The following LINC02747 variants were observed in gnomAD, a reference collection of about 807,000 sequenced individuals.
The protein encoded by LINC02747 is long independently transcribed non-coding RNA 2747, also known as CCND1-upstream intergenic DNA repair 2.
At chr11:69,478,374 C>T (rs1035228658) in intron 1 of LINC02747, among the ~76,000 whole-genome samples, 7 of 152,058 alleles carry the variant, frequency 4.6e-5, no homozygotes, top group South Asian at 2.1e-4. Flanking sequence ...CTTGCACCCC[C>T]GCCTCCACCC....
chr11:69,478,170 C>CCA (rs1857013662), intron 1 of LINC02747, among the ~76,000 whole-genome samples: 1 of 152,138 alleles, frequency 6.6e-6, no homozygotes, highest in African/African-American at 2.4e-5. Flanking sequence ...TGCTGGGGGA[C>CCA]CCCTTAGTGG....
intron 1 of LINC02747, among the ~76,000 whole-genome samples, chr11:69,480,885 G>A (rs1043713864): frequency 7.2e-5 from 11 of 152,276 alleles, no homozygotes; most frequent in African/African-American, 2.4e-4. Flanking sequence ...AGGCCTCTTC[G>A]ATTCCCAAGG....
chr11:69,478,973 G>A (rs2134961998), intron 1 of LINC02747, among the ~76,000 whole-genome samples: 1 of 152,028 alleles, frequency 6.6e-6, no homozygotes, highest in Admixed American at 6.6e-5. Context: ...AACAAGTGTG[G>A]GCCAGGTGCG....
At chr11:69,477,012 A>G (rs901763929) in exon 2 of LINC02747, 1 of 152,230 alleles carries the variant, frequency 6.6e-6, no homozygotes, top group African/African-American at 2.4e-5. Flanking sequence ...GGAGAAATAA[A>G]AGGATCCCTC....
chr11:69,479,542 C>A (rs1857028772), intron 1 of LINC02747, among the ~76,000 whole-genome samples: 1 of 152,160 alleles, frequency 6.6e-6, no homozygotes, highest in Admixed American at 6.6e-5. Context: ...GAGGAGAAGA[C>A]AAAGGGGTGG....
At chr11:69,475,788 G>C (rs895508390) in exon 2 of LINC02747, 1 of 152,084 alleles carries the variant, frequency 6.6e-6, no homozygotes, top group Non-Finnish European at 1.5e-5. Context: ...ATTTCATCAC[G>C]GGGCCGCACC....
intron 1 of LINC02747, among the ~76,000 whole-genome samples, chr11:69,479,032 A>G (rs1565190588): frequency 6.6e-6 from 1 of 152,200 alleles, no homozygotes; most frequent in Non-Finnish European, 1.5e-5. Flanking sequence ...AAGCCGGTGT[A>G]TAACTTGAGG....
intron 1 of LINC02747, among the ~76,000 whole-genome samples, chr11:69,478,687 T>G (rs1192106341): frequency 6.6e-6 from 1 of 151,510 alleles, no homozygotes; most frequent in Non-Finnish European, 1.5e-5. Context: ...ACACAAAAAT[T>G]AGCCTGGTGT....
intron 1 of LINC02747, among the ~76,000 whole-genome samples, chr11:69,479,341 A>G (rs1238902296): frequency 1.3e-5 from 2 of 152,004 alleles, no homozygotes; most frequent in African/African-American, 4.8e-5. Flanking sequence ...ATGTGGAAGA[A>G]CATAAAAAAG....
chr11:69,475,881 G>A (rs533148404), exon 2 of LINC02747: 7 of 152,330 alleles, frequency 4.6e-5, no homozygotes, highest in Admixed American at 1.3e-4. Context: ...TGTATTTAGG[G>A]AGGACGCACA....
chr11:69,480,434 C>T (rs891729178), intron 1 of LINC02747, among the ~76,000 whole-genome samples: 4 of 152,172 alleles, frequency 2.6e-5, no homozygotes, highest in African/African-American at 7.2e-5. Context: ...TCAATGTTGT[C>T]GTCCCCTTGG....
exon 2 of LINC02747, chr11:69,477,243 A>G (rs1421228374): frequency 1.3e-5 from 2 of 152,236 alleles, no homozygotes; most frequent in African/African-American, 4.8e-5. Context: ...GACATGCCAC[A>G]TCACCGTGGG....
chr11:69,477,965 A>C (rs1209526726), intron 1 of LINC02747, among the ~76,000 whole-genome samples: 2 of 152,030 alleles, frequency 1.3e-5, no homozygotes, highest in Non-Finnish European at 2.9e-5. Context: ...TGTGGTGGGG[A>C]TGGGGCGAGG....
At chr11:69,479,141 G>C (rs942091532) in intron 1 of LINC02747, among the ~76,000 whole-genome samples, 2 of 150,450 alleles carry the variant, frequency 1.3e-5, no homozygotes, top group African/African-American at 4.9e-5. Flanking sequence ...TGCAATCCCA[G>C]CTACTCGGGA....
intron 1 of LINC02747, chr11:69,477,708 C>A (rs1369129031): frequency 2.6e-5 from 4 of 152,104 alleles, no homozygotes; most frequent in South Asian, 2.1e-4. Flanking sequence ...GACTCATAGC[C>A]AGCACCCTGC....
chr11:69,480,413 C>A (rs773017870), intron 1 of LINC02747, among the ~76,000 whole-genome samples: 32 of 152,288 alleles, frequency 2.1e-4, no homozygotes, highest in Non-Finnish European at 4.1e-4. Context: ...CACCCAGAAC[C>A]CTGACCAGAG....
At chr11:69,479,805 G>C (rs958111474) in intron 1 of LINC02747, 1 of 152,414 alleles carries the variant, frequency 6.6e-6, no homozygotes, top group Non-Finnish European at 1.5e-5. Context: ...CCTAGCCTGG[G>C]GGGCCTGCTC....
chr11:69,480,307 G>GGGAGCT (rs1481867116), intron 1 of LINC02747, among the ~76,000 whole-genome samples: 1 of 152,332 alleles, frequency 6.6e-6, no homozygotes, highest in East Asian at 1.9e-4. Flanking sequence ...GCACATCCCA[G>GGGAGCT]GACCCCGTCA....
intron 1 of LINC02747, among the ~76,000 whole-genome samples, chr11:69,478,582 C>A (rs141815329): frequency 0.031 from 4,692 of 152,302 alleles, 354 homozygotes; most frequent in East Asian, 0.25. Flanking sequence ...GTGGCTCATG[C>A]CTGTAATCCC....
Sources: gnomAD v4.1 joint callset for allele counts (sites outside exome capture counted in the v4.1 genomes callset) on GRCh38, gnomAD v4.1.1 for gene constraint, MANE v1.5 for transcripts, NCBI Gene and HGNC (gene_info 2026-07-23, HGNC 2026-07-21) for gene names.